The following GNG4 variants were observed in gnomAD, a reference collection of about 807,000 sequenced individuals.
GNG4 encodes the protein G protein subunit gamma 4, also known as guanine nucleotide-binding protein G(I)/G(S)/G(O) subunit gamma-4.
A neutral mutation model predicts 5.8 loss-of-function variants in GNG4; 4 were observed. The ratio of observed to expected loss-of-function variants is 0.69; its 90% CI spans 0.34 to 1.57. The LOEUF (loss-of-function observed/expected upper bound fraction) is 1.57. Among genes scored for constraint, GNG4 ranks in the 40% most tolerant of loss-of-function variants. The pLI, the probability that GNG4 is intolerant of heterozygous loss-of-function variation, is 0.06. For missense variants in GNG4, 96 were observed against 95.1 expected (o/e 1.01, Z -0.04); for synonymous variants, 29 against 32.9 (o/e 0.88, Z 0.41).
At position 235,648,499 on chromosome 1, in the gene GNG4, G is replaced by C. The variant is rs916176701; in HGVS notation, c.-123+1163C>G. 1.3e-5 allele frequency among the ~76,000 whole-genome samples: 2 copies of C among 152,196 alleles called. No homozygotes were observed. The highest frequency in any genetic ancestry group is 2.4e-5 in the African/African-American group (1 of 41,450). ...ACAGGGCCAGATCAGATGGCGGCTGGTTCCCCTCCCCCGCCTCATACAAAA... is the reference window on the plus strand; with the variant it reads ...ACAGGGCCAGATCAGATGGCGGCTGCTTCCCCTCCCCCGCCTCATACAAAA... On this transcript the variant is annotated intron_variant, in intron 1 of 3. Transcript: ENST00000391854. This position sits in a 1 kb window ranked among gnomAD's most constrained non-coding sequence, Gnocchi z 5.0.
chr1:235,593,360 A>G (rs1417461427), intron 2 of GNG4, among the ~76,000 whole-genome samples: 1 of 152,170 alleles, frequency 6.6e-6, no homozygotes, highest in Non-Finnish European at 1.5e-5. Context: ...TTCTGACCTG[A>G]CCTGACTCAC....
At chr1:235,611,066 C>G (rs531605052) in intron 1 of GNG4, among the ~76,000 whole-genome samples, 1 of 151,960 alleles carries the variant, frequency 6.6e-6, no homozygotes, top group East Asian at 1.9e-4. Context: ...CCAGCCTGGG[C>G]GGCAGAGCGA....
intron 1 of GNG4, among the ~76,000 whole-genome samples, chr1:235,596,842 C>A (rs1310195037): frequency 4.6e-5 from 7 of 152,042 alleles, no homozygotes. Context: ...GCCACCTGAG[C>A]CTCCTGTGTA....
intron 1 of GNG4, among the ~76,000 whole-genome samples, chr1:235,641,921 A>C (rs983125800): frequency 2.5e-4 from 38 of 152,178 alleles, no homozygotes. Context: ...ATGCTTATTT[A>C]TTCATGTACT....
intron 1 of GNG4, among the ~76,000 whole-genome samples, chr1:235,598,860 G>A (rs1688187946): frequency 6.6e-6 from 1 of 151,914 alleles, no homozygotes. Flanking sequence ...CAAGTACCTG[G>A]GATTACAGGT....
intron 3 of GNG4, among the ~76,000 whole-genome samples, chr1:235,578,957 C>G (rs772504138): frequency 6.6e-6 from 1 of 151,908 alleles, no homozygotes; most frequent in Non-Finnish European, 1.5e-5. Flanking sequence ...ATTAGCTGGA[C>G]GCGGTGGTGC....
chr1:235,623,192 C>T (rs1227110168), intron 1 of GNG4, among the ~76,000 whole-genome samples: 1 of 152,096 alleles, frequency 6.6e-6, no homozygotes, highest in Non-Finnish European at 1.5e-5. Context: ...TGCATGCAGC[C>T]ACCACTGTGC....
At chr1:235,597,232 A>G (rs895549501) in intron 1 of GNG4, among the ~76,000 whole-genome samples, 1 of 152,220 alleles carries the variant, frequency 6.6e-6, no homozygotes, top group African/African-American at 2.4e-5. Context: ...ATGAACTTGG[A>G]GCAAAGCTAA....
intron 1 of GNG4, among the ~76,000 whole-genome samples, chr1:235,635,133 A>G (rs1185808683): frequency 2.0e-5 from 3 of 152,152 alleles, no homozygotes; most frequent in African/African-American, 7.2e-5. Context: ...TTTAAAGCGC[A>G]AAGTTTAAAC....
chr1:235,575,301 G>T (rs906742150), intron 3 of GNG4, among the ~76,000 whole-genome samples: 1 of 152,160 alleles, frequency 6.6e-6, no homozygotes, highest in Non-Finnish European at 1.5e-5. Context: ...TAAACCCATC[G>T]TAAGTTGAAA....
chr1:235,574,158 G>T (rs913713615), intron 3 of GNG4, among the ~76,000 whole-genome samples: 1 of 152,104 alleles, frequency 6.6e-6, no homozygotes, highest in Admixed American at 6.6e-5. Context: ...ATAACTTGAG[G>T]TCAGGAGTTC....
At chr1:235,590,784 C>T (rs913464119) in intron 2 of GNG4, among the ~76,000 whole-genome samples, 5 of 152,152 alleles carry the variant, frequency 3.3e-5, no homozygotes, top group Admixed American at 6.5e-5. Flanking sequence ...GATTCTGGCC[C>T]GTACCAAAGG....
chr1:235,562,118 T>C (rs987960810), intron 3 of GNG4, among the ~76,000 whole-genome samples: 1 of 152,168 alleles, frequency 6.6e-6, no homozygotes, highest in African/African-American at 2.4e-5. Context: ...GCTGGCTATA[T>C]TTACATGGGT....
intron 2 of GNG4, among the ~76,000 whole-genome samples, chr1:235,586,193 A>T (rs1460958917): frequency 6.6e-6 from 1 of 152,234 alleles, no homozygotes; most frequent in Non-Finnish European, 1.5e-5. Flanking sequence ...TTAACTCAAC[A>T]ACAAGGGAAG....
chr1:235,606,169 G>A (rs550504189), intron 1 of GNG4, among the ~76,000 whole-genome samples: 21 of 152,038 alleles, frequency 1.4e-4, no homozygotes, highest in Non-Finnish European at 2.5e-4. Context: ...CATGAAGTCA[G>A]GAGTTCGAGA....
At chr1:235,613,004 G>A (rs993743929) in intron 1 of GNG4, among the ~76,000 whole-genome samples, 5 of 151,998 alleles carry the variant, frequency 3.3e-5, no homozygotes, top group African/African-American at 1.2e-4. Context: ...TCTTTTATAA[G>A]GGCACAAGTC....
chr1:235,629,912 C>A (rs1234687866), intron 1 of GNG4, among the ~76,000 whole-genome samples: 4 of 152,180 alleles, frequency 2.6e-5, no homozygotes, highest in Admixed American at 1.3e-4. Context: ...TTGAGCTGGG[C>A]AGCCACCTTG....
intron 2 of GNG4, among the ~76,000 whole-genome samples, chr1:235,588,695 C>T (rs1203297144): frequency 6.6e-6 from 1 of 151,948 alleles, no homozygotes; most frequent in African/African-American, 2.4e-5. Flanking sequence ...CAAATCATCT[C>T]CCCCTCCCTT....
chr1:235,604,922 T>C (rs1218620206), intron 1 of GNG4, among the ~76,000 whole-genome samples: 1 of 152,180 alleles, frequency 6.6e-6, no homozygotes. Context: ...TGGCGTTTCA[T>C]GGCTGTGGGA....
Sources: gnomAD v4.1 joint callset for allele counts (sites outside exome capture counted in the v4.1 genomes callset) on GRCh38, gnomAD v4.1.1 for gene constraint, Gnocchi (gnomAD v3.1) non-coding constraint, MANE v1.5 for transcripts, NCBI Gene and HGNC (gene_info 2026-07-23, HGNC 2026-07-21) for gene names.